RPS6KA2: variants seen among roughly 807,000 people sequenced by gnomAD.
RPS6KA2 encodes the protein ribosomal protein S6 kinase A2, also known as ribosomal protein S6 kinase alpha-2.
Under a neutral mutation model 91.8 loss-of-function variants are expected in RPS6KA2, and 42 were observed. The ratio of observed to expected loss-of-function variants is 0.46; its 90% confidence interval spans 0.36 to 0.59. The LOEUF (loss-of-function observed/expected upper bound fraction) is 0.59. Among genes scored for constraint, RPS6KA2 ranks in the 20% least tolerant of loss-of-function variants. The pLI is 0.00. For synonymous variants in RPS6KA2, 414 were observed against 393.6 expected (o/e 1.05, Z -0.61); for missense variants, 798 against 978.5 (o/e 0.82, Z 2.46).
intron 1 of RPS6KA2, among the ~76,000 whole-genome samples, chr6:166,622,420 GT>G (rs552609228): frequency 1.3e-5 from 2 of 150,702 alleles, no homozygotes; most frequent in Admixed American, 6.6e-5. Flanking sequence ...ATTTATTGTG[GT>G]TTTTTTTTGG....
intron 2 of RPS6KA2, among the ~76,000 whole-genome samples, chr6:166,640,860 C>T (rs1383712204): frequency 2.0e-5 from 3 of 151,760 alleles, no homozygotes; most frequent in Non-Finnish European, 2.9e-5. Flanking sequence ...GCAGACTCAA[C>T]GGCGTGACCT....
chr6:166,450,974 A>G (rs1779892355), intron 13 of RPS6KA2, 129 bp downstream of exon 13: 1 of 1,077,998 alleles, frequency 9.3e-7, no homozygotes, highest in African/African-American at 1.6e-5. Context: ...GTGAGGGAAG[A>G]ATTGGTGATT....
intron 2 of RPS6KA2, among the ~76,000 whole-genome samples, chr6:166,758,798 T>G (rs1778092416): frequency 6.6e-6 from 1 of 152,140 alleles, no homozygotes; most frequent in South Asian, 2.1e-4. Context: ...GAAATGACCT[T>G]GATTTAGGGT....
chr6:166,497,143 T>TG (rs997839126), intron 8 of RPS6KA2, among the ~76,000 whole-genome samples: 8 of 152,182 alleles, frequency 5.3e-5, no homozygotes, highest in African/African-American at 1.9e-4. Context: ...GGGGTGACCG[T>TG]GGGGGACTTA....
rs1222777245 is a variant in RPS6KA2 at position 166,726,857 on chromosome 6, CGGGTG to C, written c.123+131338_123+131342del. On this transcript the variant is annotated intron_variant, in intron 2 of 21. Coordinates refer to the RPS6KA2 transcript ENST00000503859. This position sits in a 1 kb window ranked among gnomAD's most constrained non-coding sequence, Gnocchi z 4.4. ...GACGGGTCTCAGGGAGTGTGTCTGG[CGGGTG>C]GGGAGGAATCCCAGGCCTGGAATCT... 6.6e-6 allele frequency among the ~76,000 whole-genome samples: 1 copy of C among 152,058 alleles called. No homozygotes were observed. The highest frequency in any genetic ancestry group is 1.5e-5 in the Non-Finnish European group (1 of 67,990).
At chr6:166,487,759 A>G (rs1293908420) in intron 10 of RPS6KA2, among the ~76,000 whole-genome samples, 1 of 152,244 alleles carries the variant, frequency 6.6e-6, no homozygotes, top group East Asian at 1.9e-4. Context: ...TCAGTACTTT[A>G]AATACATCAA....
rs905293661 is a variant in RPS6KA2 at position 166,825,165 on chromosome 6, C to A, written c.123+33035G>T. Among the ~76,000 whole-genome samples, 3 of 152,178 alleles carry A rather than the reference C, an allele frequency of 2.0e-5. No homozygotes were observed. The highest frequency in any genetic ancestry group is 2.9e-5 in the Non-Finnish European group (2 of 68,046). On this transcript the variant is annotated intron_variant, in intron 2 of 21. Transcript: ENST00000503859. This position sits in a 1 kb window ranked among gnomAD's most constrained non-coding sequence, Gnocchi z 4.1. ...AATCCATTTCAAAGCCAGAGCAGAG[C>A]GGGCTCCCCACAAATGGGGGCTCTG...
rs1306414470 is a variant in RPS6KA2 at position 166,726,518 on chromosome 6, A to G, written c.123+131682T>C. 2.0e-5 allele frequency among the ~76,000 whole-genome samples: 3 copies of G among 152,242 alleles called. No homozygotes were observed. Among genetic ancestry groups the G allele is most frequent in the African/African-American group, 4.8e-5 (2 of 41,466 alleles). ...CATGGAAGGGAAATGAAAGAAGGAC[A>G]TGCATCCTGCCGCCCATGTCAGACA... On this transcript the variant is annotated intron_variant, in intron 2 of 21. Coordinates refer to the RPS6KA2 transcript ENST00000503859. This position sits in a 1 kb window ranked among gnomAD's most constrained non-coding sequence, Gnocchi z 4.4.
At chr6:166,652,828 G>A (rs924493242) in intron 2 of RPS6KA2, among the ~76,000 whole-genome samples, 3 of 152,092 alleles carry the variant, frequency 2.0e-5, no homozygotes, top group Non-Finnish European at 4.4e-5. Flanking sequence ...TTTAAATTCA[G>A]CAGGCAAGCA....
At chr6:166,812,263 G>A (rs1354750443) in intron 2 of RPS6KA2, among the ~76,000 whole-genome samples, 1 of 152,198 alleles carries the variant, frequency 6.6e-6, no homozygotes, top group Non-Finnish European at 1.5e-5. Context: ...GGCTGAGGCA[G>A]AAGAATTGCT....
chr6:166,602,792 C>T (rs944425504), intron 1 of RPS6KA2, among the ~76,000 whole-genome samples: 1 of 152,170 alleles, frequency 6.6e-6, no homozygotes, highest in Non-Finnish European at 1.5e-5. Context: ...TCAACTGTAT[C>T]GATAACTTCT....
chr6:166,804,731 T>C (rs1331655028), intron 2 of RPS6KA2, among the ~76,000 whole-genome samples: 3 of 152,186 alleles, frequency 2.0e-5, no homozygotes, highest in African/African-American at 7.2e-5. Flanking sequence ...ACTCAGTGCA[T>C]TCACATTCTC....
At position 166,626,966 on chromosome 6, in the gene RPS6KA2, C is replaced by G. The variant is rs780951752; in HGVS notation, c.54G>C (p.Leu18=). Residue 18 remains leucine (L), a synonymous_variant, in exon 1 of 21, where the codon CTG becomes CTC. Transcript: ENST00000265678. The surrounding 1 kb of genome is among the most constrained non-coding windows in gnomAD (Gnocchi z 4.1). ...FAVRRFFSVY[L]RRKSRSKSSS... Reference sequence around the variant, plus strand: ...AGCTCTTGGAGCGCGACTTCCTGCGCAGGTACACAGAGAAGAACCTGCGCA... The same window carrying G: ...AGCTCTTGGAGCGCGACTTCCTGCGGAGGTACACAGAGAAGAACCTGCGCA... 7.4e-5 allele frequency: 116 copies of G among 1,566,070 alleles called. No homozygotes were observed. The highest frequency in any genetic ancestry group is 9.9e-5 in the Non-Finnish European group (114 of 1,155,878).
intron 10 of RPS6KA2, among the ~76,000 whole-genome samples, chr6:166,474,310 G>A (rs998989095): frequency 3.3e-5 from 5 of 152,218 alleles, no homozygotes; most frequent in Non-Finnish European, 7.3e-5. Context: ...AGTAACAAGA[G>A]CAACGGAAAA....
chr6:166,791,622 A>T (rs1166410362), intron 2 of RPS6KA2, among the ~76,000 whole-genome samples: 2 of 152,066 alleles, frequency 1.3e-5, no homozygotes, highest in African/African-American at 2.4e-5. Context: ...GAAGTAAAGC[A>T]CTCCTCAGCA....
At chr6:166,750,029 A>G (rs1253154170) in intron 2 of RPS6KA2, among the ~76,000 whole-genome samples, 6 of 151,996 alleles carry the variant, frequency 3.9e-5, no homozygotes, top group Non-Finnish European at 8.8e-5. Flanking sequence ...GCCCGGCTTG[A>G]GTCAGCGGGG....
rs1232627196 is a variant in RPS6KA2 at position 166,557,125 on chromosome 6, G to A, written c.100-18341C>T. ...TTACCCAGTGCCAAGTGGCTGTGCT[G>A]AACAAGAGGGCACAAAGTAGAACAT... On this transcript the variant is annotated intron_variant, in intron 1 of 20. Transcript: ENST00000265678. The surrounding 1 kb of genome is among the most constrained non-coding windows in gnomAD (Gnocchi z 4.8). 6.6e-6 allele frequency among the ~76,000 whole-genome samples: 1 copy of A among 152,220 alleles called. No individual in the cohort carries two copies. The highest frequency in any genetic ancestry group is 1.5e-5 in the Non-Finnish European group (1 of 68,038).
chr6:166,744,410 G>A (rs1432674723), intron 2 of RPS6KA2, among the ~76,000 whole-genome samples: 6 of 152,148 alleles, frequency 3.9e-5, no homozygotes, highest in African/African-American at 1.2e-4. Context: ...AGGGGAATGG[G>A]AGCGTTGCTG....
At chr6:166,518,619 G>T (rs970427741) in intron 3 of RPS6KA2, among the ~76,000 whole-genome samples, 1 of 152,152 alleles carries the variant, frequency 6.6e-6, no homozygotes, top group African/African-American at 2.4e-5. Context: ...GTTCTGTATG[G>T]TTGACTCCCC....
Sources: allele counts gnomAD v4.1 joint callset (sites outside exome capture counted in the v4.1 genomes callset), GRCh38; gene constraint gnomAD v4.1.1; non-coding constraint Gnocchi (gnomAD v3.1); transcripts MANE v1.5; gene names NCBI Gene and HGNC (gene_info 2026-07-23, HGNC 2026-07-21).